Variants in CCDC7 observed in about 807,000 individuals in gnomAD.
The protein encoded by CCDC7 is coiled-coil domain-containing protein 7.
In CCDC7, 183 loss-of-function variants were observed where a neutral mutation model predicts 196.9. The ratio of observed to expected loss-of-function variants is 0.93; its 90% CI spans 0.82 to 1.05. The LOEUF is 1.05. CCDC7 is among the 50% of genes least tolerant of loss of function. The pLI is 0.00. For synonymous variants in CCDC7, 525 were observed against 484.6 expected (o/e 1.08, Z -1.10); for missense variants, 1,540 against 1,482.2 (o/e 1.04, Z -0.64).
rs546591022 is a variant in CCDC7, at chr10:32,517,091, C to G, written c.873-854C>G. On this transcript the variant is annotated intron_variant, in intron 9 of 41. Transcript: ENST00000639629. Reference sequence around the variant, plus strand: ...ACTGTGGAACAATGTCAAACCTAACCTGAAACTTATTTTTGTAAATAAAGT... The same window carrying G: ...ACTGTGGAACAATGTCAAACCTAACGTGAAACTTATTTTTGTAAATAAAGT... 2.8e-4 allele frequency among the ~76,000 whole-genome samples: 42 copies of G among 152,258 alleles called. 1 individual carries two copies. In the South Asian group the frequency reaches 6.4e-3, roughly 23 times the overall value.
In CCDC7 at chr10:32,677,841, A is replaced by G. The variant is rs541024664; in HGVS notation, c.2123-8129A>G. 3.3e-5 allele frequency among the ~76,000 whole-genome samples: 5 copies of G among 152,114 alleles called. No individual in the cohort carries two copies. The East Asian group carries it at 5.8e-4, about 18-fold the overall frequency. ...TCTTCTTGGACTTCCATATGCATAT[A>G]TTGGTTCACATGATGGTATCCCATA... On this transcript the variant is annotated intron_variant, in intron 21 of 41. Transcript: ENST00000639629.
intron 28 of CCDC7, among the ~76,000 whole-genome samples, chr10:32,748,623 A>G (rs965613318): frequency 6.6e-6 from 1 of 152,152 alleles, no homozygotes; most frequent in African/African-American, 2.4e-5. Flanking sequence ...AGTCTTCTAT[A>G]ATCTTATGGT....
intron 13 of CCDC7, among the ~76,000 whole-genome samples, chr10:32,558,316 A>C (rs1034132515): frequency 2.0e-5 from 3 of 152,146 alleles, no homozygotes; most frequent in Admixed American, 2.0e-4. Flanking sequence ...TCGATTTAAA[A>C]TGTAAATTCT....
chr10:32,520,468 A>G (rs2047715558), intron 11 of CCDC7, among the ~76,000 whole-genome samples: 1 of 152,094 alleles, frequency 6.6e-6, no homozygotes, highest in African/African-American at 2.4e-5. Flanking sequence ...TCAGATGATC[A>G]GTGATGTTGA....
At chr10:32,456,076 T>A (rs1377725651) in intron 2 of CCDC7, among the ~76,000 whole-genome samples, 175 bp from the exon 4 acceptor site, 2 of 152,214 alleles carry the variant, frequency 1.3e-5, no homozygotes, top group Non-Finnish European at 2.9e-5. Context: ...TCATATTTTT[T>A]CTTTGGGAGA....
At chr10:32,567,004 CTT>C (rs1308409515) in intron 14 of CCDC7, among the ~76,000 whole-genome samples, 1 of 117,988 alleles carries the variant, frequency 8.5e-6, no homozygotes, top group Admixed American at 8.9e-5. Flanking sequence ...AAAAAAATAT[CTT>C]TGTGTAATTT....
chr10:32,537,587 G>T (rs571795746), intron 11 of CCDC7, among the ~76,000 whole-genome samples: 9 of 152,214 alleles, frequency 5.9e-5, no homozygotes, highest in East Asian at 1.9e-4. Context: ...GTCCAGAATG[G>T]TATTTCCTAG....
intron 11 of CCDC7, among the ~76,000 whole-genome samples, chr10:32,528,940 G>A (rs1346659122): frequency 6.6e-6 from 1 of 151,520 alleles, no homozygotes; most frequent in Non-Finnish European, 1.5e-5. Context: ...TTTTCCTCTG[G>A]GTAGATACCC....
At chr10:32,567,080 T>TTA (rs930387957) in intron 14 of CCDC7, among the ~76,000 whole-genome samples, 3 of 145,834 alleles carry the variant, frequency 2.1e-5, no homozygotes, top group East Asian at 3.9e-4. Context: ...ATAATATATA[T>TTA]TATATATATA....
intron 32 of CCDC7, among the ~76,000 whole-genome samples, chr10:32,832,209 A>G (rs984198886): frequency 6.6e-6 from 1 of 152,158 alleles, no homozygotes; most frequent in Admixed American, 6.6e-5. Context: ...ATCAGAAACT[A>G]TGGAGGCCAA....
At chr10:32,492,269 A>C (rs1048913155) in intron 9 of CCDC7, among the ~76,000 whole-genome samples, 1 of 152,144 alleles carries the variant, frequency 6.6e-6, no homozygotes, top group Non-Finnish European at 1.5e-5. Context: ...GTGCTATGGG[A>C]AAATAGTATA....
At chr10:32,684,452 C>G in intron 21 of CCDC7, among the ~76,000 whole-genome samples, 1 of 152,074 alleles carries the variant, frequency 6.6e-6, no homozygotes, top group African/African-American at 2.4e-5. Context: ...CAGGGGCTCT[C>G]AAGCACTCAC....
At chr10:32,644,995 T>A (rs2067499705) in intron 20 of CCDC7, among the ~76,000 whole-genome samples, 1 of 152,190 alleles carries the variant, frequency 6.6e-6, no homozygotes, top group African/African-American at 2.4e-5. Flanking sequence ...ATTAGCAATG[T>A]GGAACCAGAC....
At chr10:32,519,315 G>T (rs1010790314) in intron 11 of CCDC7, among the ~76,000 whole-genome samples, 1 of 152,142 alleles carries the variant, frequency 6.6e-6, no homozygotes, top group Non-Finnish European at 1.5e-5. Flanking sequence ...TGAGAATTTT[G>T]CAGCATCCTA....
intron 25 of CCDC7, among the ~76,000 whole-genome samples, chr10:32,715,117 C>G (rs1591965189): frequency 6.6e-6 from 1 of 152,200 alleles, no homozygotes; most frequent in African/African-American, 2.4e-5. Flanking sequence ...CACCTCCCAG[C>G]AGGGGTCAAC....
At chr10:32,487,864 A>G (rs1316695716) in intron 8 of CCDC7, among the ~76,000 whole-genome samples, 1 of 152,132 alleles carries the variant, frequency 6.6e-6, no homozygotes, top group Non-Finnish European at 1.5e-5. Flanking sequence ...TCAGAGGAGT[A>G]CCTGGCCATG....
chr10:32,846,529 A>G (rs929464448), intron 37 of CCDC7, 70 bp downstream of exon 38: 38 of 906,846 alleles, frequency 4.2e-5, no homozygotes, highest in Admixed American at 6.6e-5. Flanking sequence ...TTAAGTATAG[A>G]CATTTAATGA....
chr10:32,845,363 C>T (rs1036791190), intron 34 of CCDC7, 37 bp downstream of exon 35: 1 of 1,423,548 alleles, frequency 7.0e-7, no homozygotes, highest in Non-Finnish European at 9.7e-7. Flanking sequence ...ATATTTATGG[C>T]TGATTGATAT....
intron 12 of CCDC7, among the ~76,000 whole-genome samples, chr10:32,543,820 A>G (rs1052892572): frequency 6.6e-6 from 1 of 151,944 alleles, no homozygotes; most frequent in Non-Finnish European, 1.5e-5. Flanking sequence ...TGACATTATT[A>G]AGTAAATATT....
Sources: allele counts gnomAD v4.1 joint callset (sites outside exome capture counted in the v4.1 genomes callset), GRCh38; gene constraint gnomAD v4.1.1; transcripts MANE v1.5; gene names NCBI Gene and HGNC (gene_info 2026-07-23, HGNC 2026-07-21).